Variants in SAP130 observed in about 807,000 individuals in gnomAD.
SAP130 encodes the protein Sin3A associated protein 130.
SAP130 carries 16 observed loss-of-function variants against 103.2 expected under a neutral mutation model. The ratio of observed to expected loss-of-function variants is 0.16; its 90% CI spans 0.10 to 0.24. The LOEUF (loss-of-function observed/expected upper bound fraction) is 0.24, where lower values mean the gene tolerates loss of function less well. SAP130 is among the 10% of genes least tolerant of loss of function. The pLI is 1.00. For missense variants in SAP130, 990 were observed against 1,359.7 expected, an observed-to-expected ratio of 0.73 and a Z score of 4.28; for synonymous variants, 477 against 497.0, an observed-to-expected ratio of 0.96 and a Z score of 0.53.
chr2:127,963,391 G>A (rs554937460), intron 15 of SAP130, among the ~76,000 whole-genome samples: 3 of 152,038 alleles, frequency 2.0e-5, no homozygotes, highest in South Asian at 2.1e-4. Flanking sequence ...CACCATGCCC[G>A]GCTCATTTTT....
chr2:128,012,678 A>G (rs959979158), intron 6 of SAP130, among the ~76,000 whole-genome samples: 20 of 151,960 alleles, frequency 1.3e-4, no homozygotes, highest in African/African-American at 3.9e-4. Flanking sequence ...ATATACACCT[A>G]ACTTTTAGGA....
Position 127,950,163 on chromosome 2 carries a change from T to C in SAP130, c.2668A>G (p.Ile890Val). 6.2e-7 allele frequency: 1 copy of C among 1,614,186 alleles called. No individual in the cohort carries two copies. Among genetic ancestry groups the C allele is most frequent in the Non-Finnish European group, 8.5e-7 (1 of 1,180,026 alleles). Residue 890 changes from isoleucine (I) to valine (V), a missense_variant, in exon 17 of 21, where the codon ATT becomes GTT. Coordinates refer to ENST00000643581, the MANE Select transcript of SAP130 (RefSeq NM_001330301.2). Reference sequence around the variant, plus strand: ...CAAGTCAGCCTGTGACCATTACCAATATACTCCTTGGGAGGAGACTTGCGC... The same window carrying C: ...CAAGTCAGCCTGTGACCATTACCAACATACTCCTTGGGAGGAGACTTGCGC... The part of the protein sequence containing the change: ...EKRKSPPKEY[I>V]DEEGVRYVPV...
At chr2:127,973,431 C>T (rs1681231935) in intron 15 of SAP130, among the ~76,000 whole-genome samples, 1 of 152,178 alleles carries the variant, frequency 6.6e-6, no homozygotes, top group Non-Finnish European at 1.5e-5. Flanking sequence ...GGGGTTTCTC[C>T]ATGTTGGTCA....
At chr2:127,998,121 GA>G (rs1278061706) in intron 10 of SAP130, among the ~76,000 whole-genome samples, 3 of 148,180 alleles carry the variant, frequency 2.0e-5, no homozygotes, top group African/African-American at 5.0e-5. Flanking sequence ...AAAAAAAAAA[GA>G]AAAAAAACCA....
Position 127,955,403 on chromosome 2 carries a change from A to G in SAP130, c.2064-59T>C. ...AAGAAAAAAACTGCCTTCATCTACAACATCTCAGAGGATGAGTATTTGTCC... is the reference window on the plus strand; with the variant it reads ...AAGAAAAAAACTGCCTTCATCTACAGCATCTCAGAGGATGAGTATTTGTCC... On this transcript the variant is annotated intron_variant, in intron 15 of 20. Coordinates refer to ENST00000643581, the MANE Select transcript of SAP130 (RefSeq NM_001330301.2). The surrounding 1 kb of genome is among the most constrained non-coding windows in gnomAD (Gnocchi z 4.9). The G allele has an allele frequency of 9.4e-7, 1 of 1,065,192 alleles. No individual in the cohort carries two copies. The highest frequency in any genetic ancestry group is 1.5e-5 in the South Asian group (1 of 65,144). The allele number at this position is 1,065,192 out of a possible 1,614,324, so 66.0% of individuals were successfully genotyped here.
At chr2:128,027,870 G>A in intron 1 of SAP130, 70 bp downstream of exon 1, 3 of 931,258 alleles carry the variant, frequency 3.2e-6, no homozygotes, top group South Asian at 4.9e-5. Context: ...GACGGACGCT[G>A]CAGCCCGGCT....
At chr2:128,027,178 T>C (rs1685570616) in intron 1 of SAP130, 1 of 1,249,124 alleles carries the variant, frequency 8.0e-7, no homozygotes, top group Non-Finnish European at 1.0e-6. Context: ...GCGGCGGCGA[T>C]GTGCTCGGCG....
chr2:127,987,360 T>C (rs574583839), intron 13 of SAP130, among the ~76,000 whole-genome samples: 5 of 152,162 alleles, frequency 3.3e-5, no homozygotes, highest in Non-Finnish European at 7.4e-5. Context: ...AATTTTTGTA[T>C]TTTTTAGTAG....
At chr2:127,999,652 A>C in intron 10 of SAP130, 89 bp downstream of exon 10, 1 of 606,750 alleles carries the variant, frequency 1.6e-6, no homozygotes. Flanking sequence ...CAATGGTAAA[A>C]ATCAATACTA....
intron 7 of SAP130, among the ~76,000 whole-genome samples, chr2:128,008,892 C>T (rs576895091): frequency 6.6e-6 from 1 of 152,036 alleles, no homozygotes; most frequent in South Asian, 2.1e-4. Flanking sequence ...CCTATGTTGC[C>T]CAGGCTGGTC....
At chr2:127,968,716 A>G (rs1680855468) in intron 15 of SAP130, among the ~76,000 whole-genome samples, 1 of 152,040 alleles carries the variant, frequency 6.6e-6, no homozygotes, top group African/African-American at 2.4e-5. Context: ...GGGTTTCACC[A>G]TGTTGGCCAG....
At position 127,955,447 on chromosome 2, in the gene SAP130, C is replaced by T; in HGVS notation, c.2064-103G>A. 1.4e-6 allele frequency: 1 copy of T among 740,094 alleles called. No individual in the cohort carries two copies. The highest frequency in any genetic ancestry group is 2.2e-6 in the Non-Finnish European group (1 of 457,088). The allele number at this position is 740,094 out of a possible 1,614,324, so 45.8% of individuals were successfully genotyped here. ...TTTGTCCAATTATTTCTGTCCAGCA[C>T]ACTGCACAATTTATACTCTATTTCC... is the stretch of plus-strand genomic sequence containing the variant. On this transcript the variant is annotated intron_variant, in intron 15 of 20. Transcript: ENST00000643581. This position sits in a 1 kb window ranked among gnomAD's most constrained non-coding sequence, Gnocchi z 4.9.
At chr2:127,977,554 A>G (rs1681557162) in intron 15 of SAP130, among the ~76,000 whole-genome samples, 1 of 152,188 alleles carries the variant, frequency 6.6e-6, no homozygotes, top group Admixed American at 6.5e-5. Flanking sequence ...TGAATGCCAT[A>G]GCAACTGGGT....
Position 127,949,913 on chromosome 2 carries a change from G to C in SAP130, c.2753C>G (p.Ala918Gly). The C allele has an allele frequency of 6.2e-7, 1 of 1,614,162 alleles. No individual in the cohort carries two copies. The highest frequency in any genetic ancestry group is 8.5e-7 in the Non-Finnish European group (1 of 1,180,008). The change falls in exon 18 of 21, where the codon GCT becomes GGT. Residue 918 changes from alanine (A) to glycine (G), a missense_variant. Physicochemically the swap from Ala to Gly is moderately conservative, Grantham distance 60. Coordinates refer to ENST00000643581, the MANE Select transcript of SAP130 (RefSeq NM_001330301.2). Reference protein sequence around the residue: ...LLRHYRNPWKAAYHHFQRYSD... With the variant: ...LLRHYRNPWKGAYHHFQRYSD... ...GTACCTCTGAAAGTGGTGGTAAGCA[G>C]CTTTCCAGGGGTTCCGATAGTGACG... is the stretch of plus-strand genomic sequence containing the variant.
chr2:128,027,032 T>A, intron 1 of SAP130: 1 of 1,336,772 alleles, frequency 7.5e-7, no homozygotes. Flanking sequence ...GTCTCCGGGG[T>A]GGGGGTGCGG....
chr2:128,027,367 A>C, intron 1 of SAP130: 2 of 1,142,150 alleles, frequency 1.8e-6, no homozygotes, highest in Non-Finnish European at 2.1e-6. Context: ...GAGGCCCAGG[A>C]CCAATCCACA....
At chr2:127,956,250 C>T (rs1265715742) in intron 15 of SAP130, among the ~76,000 whole-genome samples, 1 of 152,192 alleles carries the variant, frequency 6.6e-6, no homozygotes, top group Non-Finnish European at 1.5e-5. Context: ...GCTTCATGTC[C>T]CTTCTCCCAG....
At chr2:127,993,918 C>A (rs1329571750) in intron 11 of SAP130, among the ~76,000 whole-genome samples, 2 of 152,098 alleles carry the variant, frequency 1.3e-5, no homozygotes, top group East Asian at 3.8e-4. Flanking sequence ...CCGTACCTGG[C>A]TCCTAGTTTA....
rs373358856 is a variant in SAP130 at position 128,016,286 on chromosome 2, C to CT, written c.507+102dup. On this transcript the variant is annotated intron_variant, in intron 4 of 20. Transcript: ENST00000643581. Reference sequence around the variant, plus strand: ...TTGCAGGTATCAGTGACTGTTTGATCTTTTTTTATTACCGTGACTAATGTA... The same window carrying CT: ...TTGCAGGTATCAGTGACTGTTTGATCTTTTTTTTATTACCGTGACTAATGTA... The CT allele has an allele frequency of 4.6e-4, 579 of 1,252,722 alleles. 5 individuals are homozygous for CT. In the South Asian group the frequency reaches 6.0e-3, roughly 13 times the overall value. The allele number at this position is 1,252,722 out of a possible 1,614,324, so 77.6% of individuals were successfully genotyped here. A position where few individuals can be genotyped will look rare whatever the true frequency, so the allele number is the denominator to read the frequency against.
Sources: gnomAD v4.1 joint callset for allele counts (sites outside exome capture counted in the v4.1 genomes callset) on GRCh38, gnomAD v4.1.1 for gene constraint, Gnocchi (gnomAD v3.1) non-coding constraint, MANE v1.5 for transcripts, NCBI Gene and HGNC (gene_info 2026-07-23, HGNC 2026-07-21) for gene names.